The following TMEM52B variants were observed in gnomAD, a reference collection of about 807,000 sequenced individuals.
TMEM52B encodes the protein transmembrane protein 52B.
Under a neutral mutation model 16.1 loss-of-function variants are expected in TMEM52B, and 11 were observed. That is an observed-to-expected ratio of 0.68 (90% CI 0.43 to 1.13). The LOEUF (loss-of-function observed/expected upper bound fraction) is 1.13. TMEM52B is among the 50% of genes most tolerant of loss of function. TMEM52B has a pLI of 0.00. For missense variants in TMEM52B, 243 were observed against 230.4 expected, an observed-to-expected ratio of 1.05 and a Z score of -0.35; for synonymous variants, 101 against 93.8, an observed-to-expected ratio of 1.08 and a Z score of -0.45.
intron 4 of TMEM52B, among the ~76,000 whole-genome samples, chr12:10,187,364 G>C (rs1948893139): frequency 1.3e-5 from 2 of 148,426 alleles, no homozygotes; most frequent in Middle Eastern, 3.8e-3. Flanking sequence ...CCTCACAAAG[G>C]GCTGGGATTA....
At chr12:10,181,268 T>A (rs1208726693) in intron 1 of TMEM52B, among the ~76,000 whole-genome samples, 1 of 152,154 alleles carries the variant, frequency 6.6e-6, no homozygotes, top group Admixed American at 6.5e-5. Context: ...TATTAATTCA[T>A]CCAACACATA....
intron 4 of TMEM52B, among the ~76,000 whole-genome samples, chr12:10,189,582 C>T (rs1213132640): frequency 7.1e-6 from 1 of 140,322 alleles, no homozygotes; most frequent in Non-Finnish European, 1.5e-5. Context: ...CAAGATCCAC[C>T]ATTGCACTCC....
chr12:10,189,870 T>C, intron 4 of TMEM52B, 26 bp from the exon 5 acceptor site: 1 of 1,610,772 alleles, frequency 6.2e-7, no homozygotes, highest in Non-Finnish European at 8.5e-7. Flanking sequence ...CTTAGTTTCT[T>C]AGCTCTGTTC....
upstream of TMEM52B, among the ~76,000 whole-genome samples, chr12:10,175,996 C>T (rs1948762881): frequency 6.6e-6 from 1 of 152,224 alleles, no homozygotes; most frequent in Admixed American, 6.5e-5. Context: ...TATGTACATG[C>T]ACCCTCTACT....
upstream of TMEM52B, among the ~76,000 whole-genome samples, chr12:10,174,139 C>T (rs557192610): frequency 1.8e-4 from 27 of 152,190 alleles, no homozygotes; most frequent in Non-Finnish European, 3.4e-4. Context: ...CGGCTCACTG[C>T]AACCTCCGCC....
At chr12:10,181,721 T>C (rs1376264589) in intron 1 of TMEM52B, among the ~76,000 whole-genome samples, 2 of 151,608 alleles carry the variant, frequency 1.3e-5, no homozygotes, top group Admixed American at 1.3e-4. Flanking sequence ...GATTAAATGT[T>C]ATGAAATATT....
At chr12:10,175,458 G>C (rs963777416), upstream of TMEM52B, 1 of 152,104 alleles carries the variant, frequency 6.6e-6, no homozygotes, top group African/African-American at 2.4e-5. Flanking sequence ...ACTAAGTTGT[G>C]CCCACACTTC....
chr12:10,186,672 A>G, intron 4 of TMEM52B, 83 bp downstream of exon 4: 1 of 1,312,904 alleles, frequency 7.6e-7, no homozygotes, highest in Non-Finnish European at 1.0e-6. Flanking sequence ...AGAACCACTG[A>G]TCGAGTAATA....
chr12:10,189,845 G>T (rs549583646), intron 4 of TMEM52B, 51 bp from the exon 5 acceptor site: 2 of 1,601,708 alleles, frequency 1.2e-6, no homozygotes, highest in East Asian at 2.2e-5. Context: ...TGCTGTCTGA[G>T]GGTGTCCTGT....
upstream of TMEM52B, among the ~76,000 whole-genome samples, chr12:10,177,543 A>G (rs1011713531): frequency 2.0e-5 from 3 of 152,024 alleles, no homozygotes; most frequent in Non-Finnish European, 4.4e-5. Flanking sequence ...TAGATATATC[A>G]CTGTAAACTA....
intron 4 of TMEM52B, among the ~76,000 whole-genome samples, chr12:10,189,641 A>AG (rs1432634966): frequency 1.2e-4 from 17 of 147,226 alleles, no homozygotes; most frequent in East Asian, 2.0e-4. Context: ...AAAAAAAAAA[A>AG]AGAGAGAGAG....
upstream of TMEM52B, among the ~76,000 whole-genome samples, chr12:10,177,800 TAATAATAATAATAA>T (rs1948778250): frequency 1.1e-5 from 1 of 89,460 alleles, no homozygotes; most frequent in Admixed American, 1.3e-4. Flanking sequence ...ATAATAATAA[TAATAATAATAATAA>T]TTTTTTTATT....
In TMEM52B at chr12:10,190,126, G is replaced by A. The variant is rs137893783; in HGVS notation, c.538G>A (p.Asp180Asn). The A allele has an allele frequency of 1.3e-5, 21 of 1,614,182 alleles. No homozygotes were observed. In the African/African-American group the frequency reaches 2.3e-4, roughly 17 times the overall value. ...AGAGAAGGAGTCGACTCGAATAGTT[G>A]ACTCTTGGAACTGATGAGAGCTGTC... ...PTEKESTRIV[D>N]SWN The change falls in exon 5 of 5, where the codon GAC becomes AAC. Residue 180 changes from aspartate to asparagine, a missense_variant. Physicochemically the swap from Asp to Asn is conservative, Grantham distance 23 (BLOSUM62 1). Coordinates refer to ENST00000543484, the MANE Select transcript of TMEM52B (RefSeq NM_001384896.1).
chr12:10,184,597 C>T (rs913976656), intron 2 of TMEM52B, among the ~76,000 whole-genome samples: 4 of 151,870 alleles, frequency 2.6e-5, no homozygotes, highest in Non-Finnish European at 4.4e-5. Flanking sequence ...CATCTGGTGT[C>T]AGAGGGTTGG....
chr12:10,187,563 C>T (rs926269155), intron 4 of TMEM52B, among the ~76,000 whole-genome samples: 1 of 151,672 alleles, frequency 6.6e-6, no homozygotes, highest in Non-Finnish European at 1.5e-5. Context: ...CACCACCACA[C>T]CAGGCTATAT....
chr12:10,182,424 G>A (rs1455993775), intron 1 of TMEM52B, 126 bp from the exon 2 acceptor site: 1 of 1,380,120 alleles, frequency 7.2e-7, no homozygotes, highest in African/African-American at 1.5e-5. Context: ...TAAATAGACT[G>A]CCCCTATGAC....
rs1406998967 is a variant in TMEM52B at position 10,189,949 on chromosome 12, T to C, written c.361T>C (p.Ser121Pro). 6.2e-7 allele frequency: 1 copy of C among 1,614,126 alleles called. No homozygotes were observed. Among genetic ancestry groups the C allele is most frequent in the South Asian group, 1.1e-5 (1 of 91,082 alleles). Residue 121 changes from serine to proline, a missense_variant, in exon 5 of 5, where the codon TCC (serine) becomes CCC (proline). Transcript: ENST00000543484. ...AARRILAVAH[S>P]HSSLGQLPSS... ...TCGGAGGATCCTGGCTGTGGCTCAC[T>C]CCCACAGCTCCCTGGGCCAGCTGCC...
intron 2 of TMEM52B, 90 bp from the exon 3 acceptor site, chr12:10,185,240 C>T (rs1228961011): frequency 1.0e-5 from 9 of 900,192 alleles, no homozygotes; most frequent in Non-Finnish European, 1.7e-5. Flanking sequence ...CAAGGTATCA[C>T]ATCATATTGT....
At chr12:10,185,439 C>T in intron 3 of TMEM52B, 71 bp downstream of exon 3, 1 of 1,115,230 alleles carries the variant, frequency 9.0e-7, no homozygotes, top group Non-Finnish European at 1.4e-6. Context: ...AACCTGCCTA[C>T]TTACTTAGCA....
Sources: gnomAD v4.1 joint callset for allele counts (sites outside exome capture counted in the v4.1 genomes callset) on GRCh38, gnomAD v4.1.1 for gene constraint, MANE v1.5 for transcripts, NCBI Gene and HGNC (gene_info 2026-07-23, HGNC 2026-07-21) for gene names.